MIGA1: variants seen among roughly 807,000 people sequenced by gnomAD.
MIGA1 encodes family with sequence similarity 73, member A.
Under a neutral mutation model 82.0 loss-of-function variants are expected in MIGA1, and 58 were observed. That is an observed-to-expected ratio of 0.71 (90% CI 0.57 to 0.88). The LOEUF is 0.88. Ranked by LOEUF, MIGA1 falls within the 40% of genes least tolerant of loss-of-function variation. The probability of loss-of-function intolerance (pLI) is 0.00; values close to 1 mark genes in which losing one functional copy is unlikely to be tolerated. For synonymous variants in MIGA1, 249 were observed against 253.6 expected, an observed-to-expected ratio of 0.98 and a Z score of 0.17; for missense variants, 751 against 749.1, an observed-to-expected ratio of 1.00 and a Z score of -0.03.
At chr1:77,835,781 C>T (rs1570976942) in intron 7 of MIGA1, among the ~76,000 whole-genome samples, 1 of 152,068 alleles carries the variant, frequency 6.6e-6, no homozygotes, top group East Asian at 1.9e-4. Flanking sequence ...AACCCCATCT[C>T]TACTGAAAAT....
chr1:77,788,331 G>A (rs1208527453), intron 2 of MIGA1, among the ~76,000 whole-genome samples: 1 of 152,098 alleles, frequency 6.6e-6, no homozygotes, highest in Non-Finnish European at 1.5e-5. Context: ...TAGAGACGGG[G>A]TTTCACTATG....
chr1:77,811,270 A>C (rs1239029349), intron 5 of MIGA1: 1 of 1,586,072 alleles, frequency 6.3e-7, no homozygotes, highest in Admixed American at 1.7e-5. Flanking sequence ...CGCAATTCTG[A>C]TAGTGAGTAA....
At chr1:77,808,130 CTTTTTTTTTT>C (rs754585009) in intron 5 of MIGA1, among the ~76,000 whole-genome samples, 1 of 137,038 alleles carries the variant, frequency 7.3e-6, no homozygotes, top group Non-Finnish European at 1.6e-5. Context: ...ACCTTTCTCT[CTTTTTTTTTT>C]TTTTTTTTAT....
chr1:77,851,088 T>G (rs2101910531), intron 8 of MIGA1, among the ~76,000 whole-genome samples: 1 of 152,312 alleles, frequency 6.6e-6, no homozygotes, highest in East Asian at 1.9e-4. Flanking sequence ...CAGGCTGGTC[T>G]TGAACTCCTG....
At chr1:77,828,729 G>A (rs1684124317) in intron 7 of MIGA1, among the ~76,000 whole-genome samples, 1 of 152,176 alleles carries the variant, frequency 6.6e-6, no homozygotes, top group South Asian at 2.1e-4. Flanking sequence ...CTGGAGTGCA[G>A]TGGTGTGACC....
chr1:77,861,154 T>A, intron 11 of MIGA1, 70 bp from the exon 12 acceptor site: 1 of 980,200 alleles, frequency 1.0e-6, no homozygotes. Context: ...CCAGACTTAT[T>A]TGAAGAGTAA....
At chr1:77,873,192 GT>G in intron 15 of MIGA1, 72 bp downstream of exon 15, 1 of 1,456,186 alleles carries the variant, frequency 6.9e-7, no homozygotes, top group East Asian at 2.3e-5. Flanking sequence ...ATTCTGTTTT[GT>G]TTTGCTTTTG....
intron 8 of MIGA1, among the ~76,000 whole-genome samples, chr1:77,844,100 T>TAAAAAA (rs140327554): frequency 1.7e-3 from 118 of 68,344 alleles, no homozygotes; most frequent in Non-Finnish European, 2.6e-3. Context: ...GACCCTGTCT[T>TAAAAAA]AAAAAAAAAA....
chr1:77,787,082 T>C (rs891926784), intron 2 of MIGA1, among the ~76,000 whole-genome samples: 1 of 151,740 alleles, frequency 6.6e-6, no homozygotes, highest in African/African-American at 2.4e-5. Flanking sequence ...CAAGAGAGAG[T>C]GAGAGCCAAA....
intron 2 of MIGA1, among the ~76,000 whole-genome samples, chr1:77,800,658 A>G (rs1682841440): frequency 1.3e-5 from 2 of 152,210 alleles, no homozygotes; most frequent in African/African-American, 4.8e-5. Flanking sequence ...TATTTATCAC[A>G]TTATGCTGTA....
chr1:77,807,582 C>T (rs1233348684), intron 5 of MIGA1, among the ~76,000 whole-genome samples: 3 of 152,108 alleles, frequency 2.0e-5, no homozygotes, highest in Non-Finnish European at 4.4e-5. Context: ...TAAACTAATA[C>T]AACAAAATTA....
intron 1 of MIGA1, 21 bp downstream of exon 1, chr1:77,779,757 T>A (rs769655805): frequency 7.3e-7 from 1 of 1,378,802 alleles, no homozygotes; most frequent in South Asian, 1.2e-5. Flanking sequence ...AGGGGCGGGG[T>A]GGGGTGGAGA....
intron 5 of MIGA1, chr1:77,811,661 G>A: frequency 5.0e-6 from 8 of 1,612,066 alleles, no homozygotes; most frequent in Non-Finnish European, 5.9e-6. Flanking sequence ...TTTTGTAGAT[G>A]TCTTGCTAAT....
chr1:77,783,295 A>G lies in MIGA1; in HGVS notation c.139A>G (p.Thr47Ala). 6.3e-7 allele frequency: 1 copy of G among 1,596,854 alleles called. No individual in the cohort carries two copies. The highest frequency in any genetic ancestry group is 8.6e-7 in the Non-Finnish European group (1 of 1,168,330). The change falls in exon 2 of 16, where the codon ACA becomes GCA. Residue 47 changes from threonine (T) to alanine (A), a missense_variant. By Grantham distance (58) the Thr-to-Ala change is moderately conservative (BLOSUM62 0). Coordinates refer to ENST00000370791, the MANE Select transcript of MIGA1 (RefSeq NM_198549.4). ...AAGTGAATCACAGTTTTCCTTGAAG[A>G]CAGCAGCGCTAAGAGTGTTTGATCT...
At chr1:77,840,013 G>T (rs541457559) in intron 7 of MIGA1, among the ~76,000 whole-genome samples, 1 of 152,314 alleles carries the variant, frequency 6.6e-6, no homozygotes, top group South Asian at 2.1e-4. Context: ...AATTACAGGC[G>T]TGAACCACTG....
Position 77,878,613 on chromosome 1 carries a change from C to G in MIGA1, c.*3549C>G, listed in dbSNP as rs1048334940. 4 of 298,444 alleles carry G rather than the reference C, an allele frequency of 1.3e-5. No individual in the cohort carries two copies. Among genetic ancestry groups the G allele is most frequent in the African/African-American group, 8.6e-5 (4 of 46,672 alleles). The allele number at this position is 298,444 out of a possible 1,614,324, so 18.5% of individuals were successfully genotyped here. ...TATAAGAGGGACTTCAATTAAGTCACTCCTGAGAAAATATCCTTTTTTCTA... is the reference window on the plus strand; with the variant it reads ...TATAAGAGGGACTTCAATTAAGTCAGTCCTGAGAAAATATCCTTTTTTCTA... On this transcript the variant is annotated 3_prime_UTR_variant, in exon 16 of 16. Coordinates refer to ENST00000370791, the MANE Select transcript of MIGA1 (RefSeq NM_198549.4).
intron 7 of MIGA1, among the ~76,000 whole-genome samples, chr1:77,833,998 A>C (rs1684336815): frequency 6.6e-6 from 1 of 152,332 alleles, no homozygotes; most frequent in Admixed American, 6.5e-5. Context: ...AATTTTGATA[A>C]ATAGGGAATG....
chr1:77,790,802 C>T (rs1396632963), intron 2 of MIGA1, among the ~76,000 whole-genome samples: 1 of 150,638 alleles, frequency 6.6e-6, no homozygotes, highest in Admixed American at 6.6e-5. Context: ...TGGCCAGGTT[C>T]GTCCCAAACT....
At chr1:77,824,804 A>T (rs1453247282) in intron 7 of MIGA1, among the ~76,000 whole-genome samples, 1 of 152,124 alleles carries the variant, frequency 6.6e-6, no homozygotes, top group East Asian at 1.9e-4. Context: ...TGTTTTAAGG[A>T]ATGAATTCCA....
Sources: gnomAD v4.1 joint callset for allele counts (sites outside exome capture counted in the v4.1 genomes callset) on GRCh38, gnomAD v4.1.1 for gene constraint, MANE v1.5 for transcripts, NCBI Gene and HGNC (gene_info 2026-07-23, HGNC 2026-07-21) for gene names.